RNF152: variants seen among roughly 807,000 people sequenced by gnomAD.
RNF152 encodes E3 ubiquitin-protein ligase RNF152.
Under a neutral mutation model 12.7 loss-of-function variants are expected in RNF152, and 11 were observed. That is an observed-to-expected ratio of 0.86 (90% CI 0.54 to 1.43). The LOEUF (loss-of-function observed/expected upper bound fraction) is 1.43. Among genes scored for constraint, RNF152 ranks in the 40% most tolerant of loss-of-function variants. RNF152 has a pLI of 0.00. For synonymous variants in RNF152, 113 were observed against 120.3 expected (o/e 0.94, Z 0.40); for missense variants, 255 against 274.8 (o/e 0.93, Z 0.51).
At chr18:61,839,358 TCA>T (rs1910341120) in intron 1 of RNF152, among the ~76,000 whole-genome samples, 2 of 152,224 alleles carry the variant, frequency 1.3e-5, no homozygotes, top group South Asian at 4.1e-4. Context: ...TTCATAACGT[TCA>T]CAGTTTTAAA....
chr18:61,874,783 G>C (rs539531995), intron 1 of RNF152, among the ~76,000 whole-genome samples: 82 of 152,300 alleles, frequency 5.4e-4, no homozygotes, highest in African/African-American at 1.9e-3. Flanking sequence ...ATCCCAGTCT[G>C]GTTCTTAGCT....
intron 1 of RNF152, among the ~76,000 whole-genome samples, chr18:61,830,034 T>A (rs1234042047): frequency 1.3e-5 from 2 of 151,704 alleles, no homozygotes; most frequent in East Asian, 1.9e-4. Context: ...TCTTTTTTTT[T>A]TTTTTGAGAC....
At chr18:61,826,417 TG>T (rs1217593846) in intron 1 of RNF152, among the ~76,000 whole-genome samples, 1 of 152,210 alleles carries the variant, frequency 6.6e-6, no homozygotes, top group Non-Finnish European at 1.5e-5. Flanking sequence ...ATCTCCCGTT[TG>T]AACTCCTAAA....
chr18:61,831,711 T>C (rs769101655), intron 1 of RNF152, among the ~76,000 whole-genome samples: 1 of 152,178 alleles, frequency 6.6e-6, no homozygotes, highest in Non-Finnish European at 1.5e-5. Flanking sequence ...AAAACCACTG[T>C]AAATACAATT....
At chr18:61,834,597 GC>G (rs1910096427) in intron 1 of RNF152, among the ~76,000 whole-genome samples, 1 of 152,130 alleles carries the variant, frequency 6.6e-6, no homozygotes, top group Non-Finnish European at 1.5e-5. Flanking sequence ...TATTCTTTCT[GC>G]AGTACCTAGG....
intron 1 of RNF152, among the ~76,000 whole-genome samples, chr18:61,847,775 A>G (rs770250314): frequency 1.7e-4 from 26 of 151,882 alleles, no homozygotes; most frequent in Non-Finnish European, 3.5e-4. Flanking sequence ...TGCTCTACCC[A>G]CAGTCTTCCC....
chr18:61,835,249 G>GA (rs1220102704), intron 1 of RNF152, among the ~76,000 whole-genome samples: 3 of 152,206 alleles, frequency 2.0e-5, no homozygotes, highest in East Asian at 1.9e-4. Context: ...TTTGCAATAG[G>GA]AAAAAAATCT....
intron 1 of RNF152, among the ~76,000 whole-genome samples, chr18:61,873,368 C>T (rs1340681856): frequency 6.6e-6 from 1 of 152,192 alleles, no homozygotes; most frequent in Non-Finnish European, 1.5e-5. Context: ...GACAGAGTTT[C>T]GCTCTGTTGC....
intron 1 of RNF152, among the ~76,000 whole-genome samples, chr18:61,871,204 TC>T (rs1215352924): frequency 8.7e-5 from 4 of 46,192 alleles, no homozygotes; most frequent in Non-Finnish European, 1.3e-4. Flanking sequence ...CCCACCCACC[TC>T]CCCCCACCCC....
At chr18:61,894,408 G>T (rs1313043448), upstream of RNF152, among the ~76,000 whole-genome samples, 3 of 151,780 alleles carry the variant, frequency 2.0e-5, no homozygotes, top group Non-Finnish European at 2.9e-5. The surrounding 1 kb of genome is among the most constrained non-coding windows in gnomAD (Gnocchi z 4.9). Context: ...GGACACCGCC[G>T]CCAGGCGCTC....
chr18:61,830,687 G>A (rs541338257), intron 1 of RNF152, among the ~76,000 whole-genome samples: 1 of 152,318 alleles, frequency 6.6e-6, no homozygotes, highest in African/African-American at 2.4e-5. Flanking sequence ...AGAGGGGCAA[G>A]GCTGGAATGA....
intron 1 of RNF152, among the ~76,000 whole-genome samples, chr18:61,833,315 C>T (rs1321828018): frequency 6.6e-6 from 1 of 152,200 alleles, no homozygotes; most frequent in Admixed American, 6.5e-5. Flanking sequence ...CTAATACTCT[C>T]AAGTTATTGA....
At chr18:61,882,742 T>C (rs533225932) in intron 1 of RNF152, among the ~76,000 whole-genome samples, 2 of 152,288 alleles carry the variant, frequency 1.3e-5, no homozygotes, top group African/African-American at 4.8e-5. Flanking sequence ...CTAAGATCTC[T>C]GCTATAGGGT....
intron 1 of RNF152, among the ~76,000 whole-genome samples, chr18:61,822,098 T>C (rs144670636): frequency 6.6e-6 from 1 of 152,294 alleles, no homozygotes; most frequent in African/African-American, 2.4e-5. Context: ...TAAGAACAAG[T>C]ATATAAGAAA....
intron 1 of RNF152, among the ~76,000 whole-genome samples, chr18:61,845,896 G>A (rs1197387934): frequency 6.6e-6 from 1 of 151,528 alleles, no homozygotes; most frequent in Non-Finnish European, 1.5e-5. Context: ...CCAATGTGAA[G>A]GTATTAACAG....
In RNF152 at chr18:61,815,825, C is replaced by A. The variant is rs1341089078; in HGVS notation, c.*27G>T. On this transcript the variant is annotated 3_prime_UTR_variant, in exon 2 of 2. Coordinates refer to ENST00000312828, the MANE Select transcript of RNF152 (RefSeq NM_173557.3). ...ACCTGCTCAACCCCTAAGTTGGCAC[C>A]CACAAGAGACTTCCCTGCAGCCCTC... 2 of 1,603,150 alleles carry A rather than the reference C, an allele frequency of 1.2e-6. No homozygotes were observed. Among genetic ancestry groups the A allele is most frequent in the Admixed American group, 1.7e-5 (1 of 59,714 alleles).
intron 1 of RNF152, among the ~76,000 whole-genome samples, chr18:61,884,715 A>G (rs1222373291): frequency 6.6e-6 from 1 of 152,156 alleles, no homozygotes; most frequent in Non-Finnish European, 1.5e-5. Context: ...GCCCACCACC[A>G]TGCCTGCCTA....
chr18:61,848,700 C>T (rs1392586414), intron 1 of RNF152, among the ~76,000 whole-genome samples: 1 of 152,226 alleles, frequency 6.6e-6, no homozygotes, highest in Admixed American at 6.5e-5. Context: ...GGCAAGACAG[C>T]AGCTGTCACC....
rs568421110 is a variant in RNF152 at position 61,816,471 on chromosome 18, C to T, written c.-8G>A. 22 of 1,587,960 alleles carry T rather than the reference C, an allele frequency of 1.4e-5. No homozygotes were observed. The highest frequency in any genetic ancestry group is 5.1e-5 in the Admixed American group (3 of 59,086). ...CTGGGACAGCGTCTCCATGGTGGAC[C>T]GTGAGCAGGAAGGGCAAGGCCAAGG... On this transcript the variant is annotated 5_prime_UTR_variant, in exon 2 of 2. Coordinates refer to ENST00000312828, the MANE Select transcript of RNF152 (RefSeq NM_173557.3).
Sources: allele counts gnomAD v4.1 joint callset (sites outside exome capture counted in the v4.1 genomes callset), GRCh38; gene constraint gnomAD v4.1.1; non-coding constraint Gnocchi (gnomAD v3.1); transcripts MANE v1.5; gene names NCBI Gene and HGNC (gene_info 2026-07-23, HGNC 2026-07-21).